Variants in STXBP4 observed in about 807,000 individuals in gnomAD.
STXBP4 encodes syntaxin binding protein 4, also known as syntaxin-binding protein 4.
Under a neutral mutation model 76.1 loss-of-function variants are expected in STXBP4, and 55 were observed. The observed-to-expected ratio is 0.72, with a 90% CI of 0.58 to 0.91. The LOEUF (loss-of-function observed/expected upper bound fraction) is 0.91. Ranked by LOEUF, STXBP4 falls within the 40% of genes least tolerant of loss-of-function variation. The pLI is 0.00. For synonymous variants in STXBP4, 201 were observed against 220.2 expected (o/e 0.91, Z 0.77); for missense variants, 618 against 636.9 (o/e 0.97, Z 0.32).
chr17:55,086,509 T>C (rs544519037), intron 16 of STXBP4, among the ~76,000 whole-genome samples: 1 of 152,314 alleles, frequency 6.6e-6, no homozygotes, highest in African/African-American at 2.4e-5. Context: ...TATCTAGCTG[T>C]AATTTTTTAT....
chr17:54,974,737 A>T (rs1471695096), intron 1 of STXBP4, among the ~76,000 whole-genome samples: 4 of 152,218 alleles, frequency 2.6e-5, no homozygotes, highest in Non-Finnish European at 4.4e-5. Flanking sequence ...AGCAACTTTT[A>T]TTGAAGTGGC....
intron 16 of STXBP4, among the ~76,000 whole-genome samples, chr17:55,098,640 A>T (rs144964110): frequency 1.3e-5 from 2 of 152,292 alleles, no homozygotes; most frequent in East Asian, 3.9e-4. Flanking sequence ...AAAAGCAAAG[A>T]GGATAGTTTG....
rs138775266 is a variant in STXBP4, at chr17:55,090,159, C to T, written c.1489+8976C>T. Among the ~76,000 whole-genome samples, 108 of 152,000 alleles carry T rather than the reference C, an allele frequency of 7.1e-4. 1 individual carries two copies. In the East Asian group the frequency reaches 0.02, roughly 28 times the overall value. ...AGACAGGCTGGGGGTAGGGGGCAGA[C>T]GATCTCTTTTCACTCTTTTTTATCT... On this transcript the variant is annotated intron_variant, in intron 16 of 17. Coordinates refer to ENST00000376352, the MANE Select transcript of STXBP4 (RefSeq NM_178509.6).
chr17:54,970,236 A>G (rs2077373135), intron 1 of STXBP4, among the ~76,000 whole-genome samples: 1 of 152,228 alleles, frequency 6.6e-6, no homozygotes, highest in Non-Finnish European at 1.5e-5. Context: ...ATTTTATTCT[A>G]AAAGTAATAG....
rs1194463763 is a variant in STXBP4 at position 54,982,609 on chromosome 17, TG to T, written c.-156-3004del. On this transcript the variant is annotated intron_variant, in intron 1 of 17. Transcript: ENST00000376352. Reference sequence around the variant, plus strand: ...TGAGGGTGGTTTGTGTGTGTGTGTGTGTGTGTGTGTGTGTGTGAGTGTGGTG... The same window carrying T: ...TGAGGGTGGTTTGTGTGTGTGTGTGTTGTGTGTGTGTGTGTGAGTGTGGTG... 1.2e-4 allele frequency among the ~76,000 whole-genome samples: 18 copies of T among 151,882 alleles called. 1 individual carries two copies. In the South Asian group the frequency reaches 3.7e-3, roughly 32 times the overall value.
chr17:55,020,544 G>A (rs754658986), intron 8 of STXBP4, among the ~76,000 whole-genome samples: 10 of 152,102 alleles, frequency 6.6e-5, no homozygotes, highest in South Asian at 2.1e-4. Context: ...TCGGCCGGGC[G>A]TGATGGCTCA....
chr17:55,176,643 G>A (rs1239573131), downstream of STXBP4, among the ~76,000 whole-genome samples: 1 of 152,214 alleles, frequency 6.6e-6, no homozygotes, highest in Non-Finnish European at 1.5e-5. Flanking sequence ...GTTTTACTGT[G>A]TTGAGGGATA....
intron 16 of STXBP4, among the ~76,000 whole-genome samples, chr17:55,107,605 T>C (rs2079650975): frequency 6.6e-6 from 1 of 152,242 alleles, no homozygotes; most frequent in African/African-American, 2.4e-5. Flanking sequence ...GGTTTCTGTA[T>C]GGATATCCTT....
At chr17:55,066,812 G>T (rs1233731737) in intron 12 of STXBP4, among the ~76,000 whole-genome samples, 2 of 152,082 alleles carry the variant, frequency 1.3e-5, no homozygotes, top group African/African-American at 2.4e-5. Context: ...CTTGAACCTG[G>T]GAGGCGGAGG....
chr17:55,017,514 G>A (rs1174983208), intron 8 of STXBP4, among the ~76,000 whole-genome samples: 1 of 152,220 alleles, frequency 6.6e-6, no homozygotes, highest in Non-Finnish European at 1.5e-5. Flanking sequence ...TAGTACCTAG[G>A]AGGCAGGGAT....
At chr17:54,986,825 C>A (rs955173301) in intron 3 of STXBP4, among the ~76,000 whole-genome samples, 10 of 152,034 alleles carry the variant, frequency 6.6e-5, no homozygotes, top group Admixed American at 3.9e-4. Flanking sequence ...TTTATTTTTT[C>A]TCATGATTCA....
At chr17:55,127,116 A>G (rs2079921203) in intron 16 of STXBP4, among the ~76,000 whole-genome samples, 1 of 152,042 alleles carries the variant, frequency 6.6e-6, no homozygotes, top group South Asian at 2.1e-4. Flanking sequence ...TCACCTCACA[A>G]CCTTTCCATG....
intron 1 of STXBP4, among the ~76,000 whole-genome samples, chr17:54,980,943 T>TG (rs35432491): frequency 0.19 from 28,426 of 152,084 alleles, 3,414 homozygotes; most frequent in Non-Finnish European, 0.25. Flanking sequence ...GCGTTTTTTT[T>TG]TTGTTGTTGT....
chr17:55,141,601 G>T (rs2080095179), intron 17 of STXBP4, among the ~76,000 whole-genome samples: 1 of 152,124 alleles, frequency 6.6e-6, no homozygotes, highest in Non-Finnish European at 1.5e-5. Context: ...ATTGGAACAG[G>T]ATCATCATTT....
At chr17:55,018,588 T>C (rs766640119) in intron 8 of STXBP4, among the ~76,000 whole-genome samples, 8 of 152,240 alleles carry the variant, frequency 5.3e-5, no homozygotes, top group Non-Finnish European at 8.8e-5. Flanking sequence ...GCAACAAGGC[T>C]GTTTATTTCA....
chr17:55,203,065 T>G, the STXBP4 span, among the ~76,000 whole-genome samples: 1 of 152,142 alleles, frequency 6.6e-6, no homozygotes, highest in Non-Finnish European at 1.5e-5. Flanking sequence ...TCTGCTGTAG[T>G]TGAGAAAAAG....
intron 16 of STXBP4, among the ~76,000 whole-genome samples, chr17:55,130,133 A>T (rs1351378559): frequency 6.6e-6 from 1 of 152,218 alleles, no homozygotes; most frequent in Non-Finnish European, 1.5e-5. Context: ...CTGCAAACTG[A>T]ATTCTGCCAA....
At chr17:54,994,451 TA>T (rs1369494308) in intron 4 of STXBP4, among the ~76,000 whole-genome samples, 1 of 152,216 alleles carries the variant, frequency 6.6e-6, no homozygotes, top group African/African-American at 2.4e-5. Context: ...AGCTTCTAGC[TA>T]CACAAAGTCA....
At chr17:55,185,746 A>G in the STXBP4 span, among the ~76,000 whole-genome samples, 1 of 152,190 alleles carries the variant, frequency 6.6e-6, no homozygotes, top group African/African-American at 2.4e-5. Flanking sequence ...CCAGGACCAC[A>G]GAGGAGACAG....
Sources: allele counts gnomAD v4.1 joint callset (sites outside exome capture counted in the v4.1 genomes callset), GRCh38; gene constraint gnomAD v4.1.1; transcripts MANE v1.5; gene names NCBI Gene and HGNC (gene_info 2026-07-23, HGNC 2026-07-21).